Variants in KAZN observed in about 807,000 individuals in gnomAD.
KAZN encodes the protein kazrin, periplakin interacting protein.
KAZN carries 40 observed loss-of-function variants against 87.4 expected under a neutral mutation model. The observed-to-expected ratio is 0.46, with a 90% CI of 0.36 to 0.60. The LOEUF (loss-of-function observed/expected upper bound fraction) is 0.60, where lower values mean the gene tolerates loss of function less well. Ranked by LOEUF, KAZN falls within the 20% of genes least tolerant of loss-of-function variation. KAZN has a pLI of 0.00. For synonymous variants in KAZN, 466 were observed against 458.3 expected (o/e 1.02, Z -0.22); for missense variants, 898 against 1,073.9 (o/e 0.84, Z 2.29).
chr1:13,933,259 G>A (rs1466591425), intron 1 of KAZN, among the ~76,000 whole-genome samples: 3 of 151,956 alleles, frequency 2.0e-5, no homozygotes, highest in Admixed American at 6.6e-5. Context: ...TTGGGAGGCC[G>A]AGGCGGGTGT....
At chr1:15,005,249 G>A (rs1047448571) in intron 2 of KAZN, among the ~76,000 whole-genome samples, 1 of 152,106 alleles carries the variant, frequency 6.6e-6, no homozygotes, top group African/African-American at 2.4e-5. Flanking sequence ...TTCTGCCTTT[G>A]CAGTTTGCTG....
chr1:14,429,207 T>C (rs1020192501), intron 2 of KAZN, among the ~76,000 whole-genome samples: 1 of 152,162 alleles, frequency 6.6e-6, no homozygotes, highest in African/African-American at 2.4e-5. Flanking sequence ...CTCCTAAGAA[T>C]AGCAGGGTGA....
chr1:15,095,079 C>A (rs1405397521), intron 10 of KAZN, 146 bp downstream of exon 10: 2 of 632,834 alleles, frequency 3.2e-6, no homozygotes, highest in Non-Finnish European at 5.6e-6. Flanking sequence ...CGGGGATGCC[C>A]CTGATGAGGG....
Position 14,386,046 on chromosome 1 carries a change from T to TGA in KAZN, c.249+205455_249+205456dup, listed in dbSNP as rs1370317300. Among the ~76,000 whole-genome samples, 16 of 152,030 alleles carry TGA rather than the reference T, an allele frequency of 1.1e-4. No individual in the cohort carries two copies. The East Asian group carries it at 2.7e-3, about 26-fold the overall frequency. On this transcript the variant is annotated intron_variant, in intron 2 of 16. Transcript: ENST00000636203. ...GGATAGTTAGCTCTTCTTGTTGAAT[T>TGA]GATCCCTTTACCATGATGTAATGGC... is the stretch of plus-strand genomic sequence containing the variant.
At chr1:14,751,787 A>G (rs149924597) in intron 1 of KAZN, among the ~76,000 whole-genome samples, 1 of 152,294 alleles carries the variant, frequency 6.6e-6, no homozygotes, top group Non-Finnish European at 1.5e-5. Flanking sequence ...ACTAGTGATC[A>G]CAGCACCTTT....
intron 2 of KAZN, among the ~76,000 whole-genome samples, chr1:14,479,426 A>G (rs918327580): frequency 2.0e-5 from 3 of 152,222 alleles, no homozygotes; most frequent in Admixed American, 6.5e-5. Context: ...AATAGCATTC[A>G]TAAGAATCAA....
chr1:14,413,915 C>A (rs1024953967), intron 2 of KAZN, among the ~76,000 whole-genome samples: 1 of 152,096 alleles, frequency 6.6e-6, no homozygotes, highest in Non-Finnish European at 1.5e-5. Flanking sequence ...AGACAAAATA[C>A]GAATGGCTTC....
intron 2 of KAZN, among the ~76,000 whole-genome samples, chr1:14,392,493 T>C (rs1571502217): frequency 6.6e-6 from 1 of 152,146 alleles, no homozygotes; most frequent in East Asian, 1.9e-4. Context: ...CTGTGGAGGG[T>C]GCTGGATATA....
At chr1:14,681,633 A>ATGTG (rs1640612505) in intron 1 of KAZN, among the ~76,000 whole-genome samples, 1 of 17,406 alleles carries the variant, frequency 5.7e-5, no homozygotes, top group African/African-American at 2.5e-4. Context: ...ATATATATAT[A>ATGTG]TATATATATA....
At chr1:15,113,587 A>G (rs1049788091) in intron 14 of KAZN, 4 of 152,220 alleles carry the variant, frequency 2.6e-5, no homozygotes, top group African/African-American at 9.6e-5. Context: ...ATGTGTGATA[A>G]TAATAGTCAC....
chr1:15,054,570 T>A (rs1674739832), intron 4 of KAZN, among the ~76,000 whole-genome samples: 1 of 151,132 alleles, frequency 6.6e-6, no homozygotes, highest in Non-Finnish European at 1.5e-5. Flanking sequence ...GAGAATTGCT[T>A]GAGCATGGGA....
intron 1 of KAZN, among the ~76,000 whole-genome samples, chr1:14,610,411 G>C: frequency 6.6e-6 from 1 of 151,900 alleles, no homozygotes; most frequent in East Asian, 1.9e-4. Flanking sequence ...TTTTAGTAGA[G>C]ACAGGGTTTC....
chr1:13,960,653 G>T (rs970307153), intron 1 of KAZN, among the ~76,000 whole-genome samples: 1 of 152,156 alleles, frequency 6.6e-6, no homozygotes, highest in African/African-American at 2.4e-5. Flanking sequence ...TTCCCAAATC[G>T]GCTTGTATTT....
intron 2 of KAZN, among the ~76,000 whole-genome samples, chr1:14,557,633 T>TGG (rs1336826055): frequency 6.6e-5 from 2 of 30,308 alleles, no homozygotes; most frequent in Non-Finnish European, 1.7e-4. Flanking sequence ...TGTGTGGGTG[T>TGG]GTGTGTGTGT....
chr1:14,624,420 T>C (rs1341335865), intron 1 of KAZN, among the ~76,000 whole-genome samples: 1 of 139,512 alleles, frequency 7.2e-6, no homozygotes, highest in Non-Finnish European at 1.5e-5. Flanking sequence ...AGACTCCGTC[T>C]CAAGAAAAAA....
chr1:13,926,327 AG>A (rs1448967758), intron 1 of KAZN, among the ~76,000 whole-genome samples: 2 of 152,058 alleles, frequency 1.3e-5, no homozygotes, highest in African/African-American at 4.8e-5. Flanking sequence ...CTGGGAGAAT[AG>A]GGGCTCACTC....
At chr1:14,443,644 A>G (rs1666819149) in intron 2 of KAZN, among the ~76,000 whole-genome samples, 1 of 152,190 alleles carries the variant, frequency 6.6e-6, no homozygotes, top group Admixed American at 6.5e-5. Context: ...TTAATGGAGG[A>G]GAGCATGTTT....
chr1:15,085,324 C>T (rs780754330), intron 8 of KAZN, among the ~76,000 whole-genome samples: 6 of 152,066 alleles, frequency 3.9e-5, no homozygotes, highest in Admixed American at 6.6e-5. Context: ...TTTACCTCTG[C>T]CATTATTATT....
intron 1 of KAZN, among the ~76,000 whole-genome samples, chr1:14,040,740 G>A (rs1418811946): frequency 2.7e-5 from 4 of 148,938 alleles, no homozygotes; most frequent in Non-Finnish European, 4.5e-5. Context: ...ACTCTAGCCT[G>A]GGAGACAGAG....
Sources: gnomAD v4.1 joint callset for allele counts (sites outside exome capture counted in the v4.1 genomes callset) on GRCh38, gnomAD v4.1.1 for gene constraint, MANE v1.5 for transcripts, NCBI Gene and HGNC (gene_info 2026-07-23, HGNC 2026-07-21) for gene names.